FAM124A: variants seen among roughly 807,000 people sequenced by gnomAD.
FAM124A encodes protein FAM124A.
A neutral mutation model predicts 24.5 loss-of-function variants in FAM124A; 23 were observed. That is an observed-to-expected ratio of 0.94 (90% CI 0.68 to 1.33). The LOEUF (loss-of-function observed/expected upper bound fraction) is 1.33. Among genes scored for constraint, FAM124A ranks in the 40% most tolerant of loss-of-function variants. The pLI is 0.00. For synonymous variants in FAM124A, 287 were observed against 314.7 expected, an observed-to-expected ratio of 0.91 and a Z score of 0.93; for missense variants, 623 against 722.8, an observed-to-expected ratio of 0.86 and a Z score of 1.58.
intron 1 of FAM124A, chr13:51,227,578 T>C (rs1327369511): frequency 1.3e-5 from 2 of 152,244 alleles, no homozygotes; most frequent in Admixed American, 6.5e-5. Context: ...CGGCTGCTGA[T>C]GGTGGTAAAC....
chr13:51,253,158 A>G (rs1954642278), intron 3 of FAM124A: 4 of 152,220 alleles, frequency 2.6e-5, no homozygotes, highest in Non-Finnish European at 5.9e-5. Context: ...GAAAAGAGAA[A>G]GTTGATAGTG....
At chr13:51,244,486 A>T (rs560805420) in intron 2 of FAM124A, among the ~76,000 whole-genome samples, 1 of 152,368 alleles carries the variant, frequency 6.6e-6, no homozygotes, top group African/African-American at 2.4e-5. Context: ...AGTGACAATC[A>T]TATTAATCGT....
In FAM124A at chr13:51,243,715, T is replaced by C. The variant is rs181639976; in HGVS notation, c.101-7753T>C. 4.8e-3 allele frequency among the ~76,000 whole-genome samples: 726 copies of C among 152,256 alleles called. 2 individuals are homozygous for C. The highest frequency in any genetic ancestry group is 6.6e-3 in the Non-Finnish European group (448 of 68,010). ...CACCCGGCTAATTTTTTTGTATTTT[T>C]AGTAGAGACGGGGTTTCACCATGTT... On this transcript the variant is annotated intron_variant, in intron 2 of 3. Coordinates refer to ENST00000322475, the MANE Select transcript of FAM124A (RefSeq NM_001242312.2).
intron 3 of FAM124A, among the ~76,000 whole-genome samples, chr13:51,261,341 G>A (rs975338514): frequency 1.3e-5 from 2 of 152,130 alleles, no homozygotes; most frequent in Non-Finnish European, 2.9e-5. Flanking sequence ...CCCCTGGGCC[G>A]AGACCCTGAA....
rs1954928189 is a variant in FAM124A at position 51,280,730 on chromosome 13, C to T, written c.1115C>T (p.Ser372Phe). Reference sequence around the variant, plus strand: ...TTTTGTTTGCCCACGGGAGGCCCCTCCCTGGCCTCCTCAGCTGAACCACAG... The same window carrying T: ...TTTTGTTTGCCCACGGGAGGCCCCTTCCTGGCCTCCTCAGCTGAACCACAG... The part of the protein sequence containing the change: ...SLFCLPTGGP[S>F]LASSAEPQWF... The change falls in exon 4 of 4, where the codon TCC (serine) becomes TTC (phenylalanine). Residue 372 changes from serine to phenylalanine, a missense_variant. Ser to Phe is a radical substitution (Grantham distance 155). Transcript: ENST00000322475. 1.2e-6 allele frequency: 2 copies of T among 1,614,224 alleles called. No individual in the cohort carries two copies. Among genetic ancestry groups the T allele is most frequent in the East Asian group, 2.2e-5 (1 of 44,876 alleles).
intron 3 of FAM124A, among the ~76,000 whole-genome samples, chr13:51,254,146 C>T (rs1368024831): frequency 6.6e-6 from 1 of 152,154 alleles, no homozygotes; most frequent in Non-Finnish European, 1.5e-5. Flanking sequence ...TCCACATTCT[C>T]TTTAGCAGTG....
chr13:51,235,409 C>T (rs1340815124), intron 2 of FAM124A, among the ~76,000 whole-genome samples: 3 of 152,096 alleles, frequency 2.0e-5, no homozygotes, highest in African/African-American at 7.2e-5. Flanking sequence ...AACTCTGCCA[C>T]GTAATGCTAA....
intron 3 of FAM124A, 21 bp downstream of exon 3, chr13:51,252,222 TG>T (rs753215620): frequency 2.2e-5 from 36 of 1,606,704 alleles, no homozygotes; most frequent in Non-Finnish European, 2.8e-5. Context: ...GACGCCTGTC[TG>T]TCTGTTTAGG....
At chr13:51,230,991 C>CA (rs1954370418) in intron 1 of FAM124A, among the ~76,000 whole-genome samples, 1 of 152,186 alleles carries the variant, frequency 6.6e-6, no homozygotes, top group South Asian at 2.1e-4. Flanking sequence ...TGCTCATTTG[C>CA]AGTAACCTTT....
At chr13:51,267,366 G>T (rs1199685935) in intron 3 of FAM124A, among the ~76,000 whole-genome samples, 1 of 152,058 alleles carries the variant, frequency 6.6e-6, no homozygotes, top group Admixed American at 6.5e-5. Context: ...TGTCATTTTA[G>T]TTTGATCCTA....
At position 51,272,505 on chromosome 13, in the gene FAM124A, G is replaced by A. The variant is rs1387472445; in HGVS notation, c.835-7945G>A. Among the ~76,000 whole-genome samples the A allele has an allele frequency of 6.6e-6, 1 of 151,824 alleles. No homozygotes were observed. The highest frequency in any genetic ancestry group is 1.5e-5 in the Non-Finnish European group (1 of 67,990). ...GTACAGAAAGCAATTGACAGGAGTC[G>A]ACAAATTAAAGACCACAGGCCAAAT... On this transcript the variant is annotated intron_variant, in intron 3 of 3. Transcript: ENST00000322475. The surrounding 1 kb of genome is among the most constrained non-coding windows in gnomAD (Gnocchi z 4.2).
At chr13:51,268,465 C>T (rs1954810231) in intron 3 of FAM124A, among the ~76,000 whole-genome samples, 1 of 152,170 alleles carries the variant, frequency 6.6e-6, no homozygotes, top group Admixed American at 6.5e-5. Context: ...AAAGTCAAAA[C>T]CCAACCCACA....
At position 51,246,402 on chromosome 13, in the gene FAM124A, G is replaced by GCGGA. The variant is rs757018298; in HGVS notation, c.101-5066_101-5065insCGGA. ...CTCCACAGAGGCATGTTTCTCGTGG[G>GCGGA]GTGGGGGGGGGTGTAACTCTAACAC... is the stretch of plus-strand genomic sequence containing the variant. On this transcript the variant is annotated intron_variant, in intron 2 of 3. Transcript: ENST00000322475. 4.0e-5 allele frequency among the ~76,000 whole-genome samples: 5 copies of GCGGA among 125,270 alleles called. No homozygotes were observed. In the East Asian group the frequency reaches 1.2e-3, roughly 30 times the overall value. 82.2% of individuals were successfully genotyped at this position (125,270 alleles called of 152,430 possible). A position where few individuals can be genotyped will look rare whatever the true frequency, so the allele number is the denominator to read the frequency against.
intron 2 of FAM124A, among the ~76,000 whole-genome samples, chr13:51,250,225 AT>A (rs1954604077): frequency 6.6e-6 from 1 of 152,206 alleles, no homozygotes; most frequent in African/African-American, 2.4e-5. Flanking sequence ...CAAGGTTATG[AT>A]TCTGAAAAGC....
In FAM124A at chr13:51,280,964, G is replaced by C; in HGVS notation, c.1349G>C (p.Cys450Ser). 1 of 1,614,020 alleles carries C rather than the reference G, an allele frequency of 6.2e-7. No homozygotes were observed. Among genetic ancestry groups the C allele is most frequent in the Non-Finnish European group, 8.5e-7 (1 of 1,179,986 alleles). ...TVETPLPSERCSSHWAAHKDS... is the reference protein window; with the variant it reads ...TVETPLPSERSSSHWAAHKDS... ...GAGACACCCCTCCCCTCCGAAAGAT[G>C]CAGCAGCCACTGGGCAGCTCACAAG... Residue 450 changes from cysteine (C) to serine (S), a missense_variant, in exon 4 of 4, where the codon TGC becomes TCC. Physicochemically the swap from Cys to Ser is moderately radical, Grantham distance 112. Coordinates refer to ENST00000322475, the MANE Select transcript of FAM124A (RefSeq NM_001242312.2).
chr13:51,273,464 G>C (rs532783387), intron 3 of FAM124A, among the ~76,000 whole-genome samples: 2 of 152,296 alleles, frequency 1.3e-5, no homozygotes, highest in African/African-American at 4.8e-5. Context: ...AATGAGACAG[G>C]GGCTTGCTAT....
chr13:51,250,605 C>T (rs554945677), intron 2 of FAM124A, among the ~76,000 whole-genome samples: 10 of 152,260 alleles, frequency 6.6e-5, no homozygotes, highest in South Asian at 2.1e-4. Flanking sequence ...GGAGGGTAAC[C>T]GACCCATTCA....
rs1428633831 is a variant in FAM124A at position 51,284,053 on chromosome 13, C to G, written c.*2797C>G. The G allele has an allele frequency of 6.6e-6, 1 of 152,308 alleles. No individual in the cohort carries two copies. Among genetic ancestry groups the G allele is most frequent in the East Asian group, 1.9e-4 (1 of 5,184 alleles). 9.4% of individuals were successfully genotyped at this position (152,308 alleles called of 1,614,324 possible). A position where few individuals can be genotyped will look rare whatever the true frequency, so the allele number is the denominator to read the frequency against. Reference sequence around the variant, plus strand: ...CCACATGGAAATGGCAGTCCCTCCACGGAGAGGGAATCACAGGAACACATT... The same window carrying G: ...CCACATGGAAATGGCAGTCCCTCCAGGGAGAGGGAATCACAGGAACACATT... On this transcript the variant is annotated 3_prime_UTR_variant, in exon 4 of 4. Coordinates refer to ENST00000322475, the MANE Select transcript of FAM124A (RefSeq NM_001242312.2).
chr13:51,223,615 C>T (rs529228628), intron 1 of FAM124A, among the ~76,000 whole-genome samples: 2 of 152,292 alleles, frequency 1.3e-5, no homozygotes, highest in Admixed American at 1.3e-4. Flanking sequence ...CGGCAAAGCT[C>T]CCCACAGGGC....
Sources: gnomAD v4.1 joint callset for allele counts (sites outside exome capture counted in the v4.1 genomes callset) on GRCh38, gnomAD v4.1.1 for gene constraint, Gnocchi (gnomAD v3.1) non-coding constraint, MANE v1.5 for transcripts, NCBI Gene and HGNC (gene_info 2026-07-23, HGNC 2026-07-21) for gene names.